Variants in TRIM22 observed in about 807,000 individuals in gnomAD.
TRIM22 encodes E3 ubiquitin-protein ligase TRIM22.
A neutral mutation model predicts 53.6 loss-of-function variants in TRIM22; 45 were observed. That is an observed-to-expected ratio of 0.84 (90% CI 0.66 to 1.08). The LOEUF is 1.08. TRIM22 is among the 50% of genes least tolerant of loss of function. TRIM22 has a pLI of 0.00. For missense variants in TRIM22, 616 were observed against 590.9 expected, an observed-to-expected ratio of 1.04 and a Z score of -0.44; for synonymous variants, 225 against 216.6, an observed-to-expected ratio of 1.04 and a Z score of -0.34.
At chr11:5,704,595 G>T (rs1331972761) in intron 4 of TRIM22, among the ~76,000 whole-genome samples, 1 of 152,098 alleles carries the variant, frequency 6.6e-6, no homozygotes, top group African/African-American at 2.4e-5. Context: ...TCTCTTCATA[G>T]TGTTCTTCAT....
intron 5 of TRIM22, among the ~76,000 whole-genome samples, chr11:5,707,812 A>AAAACAAAC (rs35942918): frequency 0.082 from 12,521 of 151,786 alleles, 521 homozygotes; most frequent in African/African-American, 0.1. Context: ...ACCCCATCTC[A>AAAACAAAC]AAACAAACAA....
chr11:5,703,510 C>T (rs1356171614), intron 4 of TRIM22, among the ~76,000 whole-genome samples: 5 of 151,866 alleles, frequency 3.3e-5, no homozygotes, highest in African/African-American at 1.2e-4. Flanking sequence ...TGCATCCTCC[C>T]GAGTAGCTGG....
chr11:5,706,425 C>A, intron 4 of TRIM22, 169 bp from the exon 5 acceptor site: 2 of 456,890 alleles, frequency 4.4e-6, no homozygotes, highest in African/African-American at 4.1e-5. Flanking sequence ...AGTTTAATTT[C>A]AGATAAAAGA....
chr11:5,700,029 A>G (rs1472188803), intron 4 of TRIM22, among the ~76,000 whole-genome samples: 1 of 149,868 alleles, frequency 6.7e-6, no homozygotes, highest in Admixed American at 6.6e-5. Context: ...TTTTTTTTTT[A>G]ATGTCAATTC....
intron 5 of TRIM22, 70 bp from the exon 6 acceptor site, chr11:5,708,103 A>C: frequency 4.0e-6 from 5 of 1,260,790 alleles, no homozygotes; most frequent in Non-Finnish European, 5.8e-6. Flanking sequence ...GAAAGGTGAA[A>C]GAGACAGTGA....
intron 5 of TRIM22, among the ~76,000 whole-genome samples, chr11:5,707,235 A>T (rs1564943818): frequency 6.6e-6 from 1 of 152,182 alleles, no homozygotes; most frequent in Non-Finnish European, 1.5e-5. Context: ...ACTATTAATT[A>T]ATTTAGTCAT....
At chr11:5,699,624 G>T (rs1326868295) in intron 4 of TRIM22, among the ~76,000 whole-genome samples, 2 of 139,354 alleles carry the variant, frequency 1.4e-5, no homozygotes, top group South Asian at 4.8e-4. Flanking sequence ...ATTTTCCAAA[G>T]TTGTTACTCA....
rs1177462411 is a variant in TRIM22 at position 5,697,298 on chromosome 11, T to C, written c.474T>C (p.Ala158=). 1.2e-6 allele frequency: 2 copies of C among 1,613,742 alleles called. No homozygotes were observed. Among genetic ancestry groups the C allele is most frequent in the Middle Eastern group, 1.7e-4 (1 of 6,056 alleles). ...LQRLIKEDQE[A]EKLEDDIRQE... is the part of the protein sequence containing the mutation. ...GGCTGATAAAGGAGGATCAAGAGGC[T>C]GAGAAGCTGGAAGATGACATCAGAC... The change falls in exon 3 of 8, where the codon GCT becomes GCC. Residue 158 remains alanine (A), a synonymous_variant. Transcript: ENST00000379965.
intron 1 of TRIM22, among the ~76,000 whole-genome samples, chr11:5,695,363 A>G (rs1417038644): frequency 6.6e-6 from 1 of 152,214 alleles, no homozygotes; most frequent in Non-Finnish European, 1.5e-5. Context: ...TTGAGGAGCC[A>G]TAGATTTGAT....
At chr11:5,703,112 G>T (rs10742775) in intron 4 of TRIM22, among the ~76,000 whole-genome samples, 108,952 of 152,092 alleles carry the variant, frequency 0.72, 39,478 homozygotes, top group African/African-American at 0.79. Flanking sequence ...GGGAATATTG[G>T]GTGATGCTGA....
At chr11:5,692,461 T>G (rs1415963508) in intron 1 of TRIM22, among the ~76,000 whole-genome samples, 1 of 152,174 alleles carries the variant, frequency 6.6e-6, no homozygotes, top group Non-Finnish European at 1.5e-5. Context: ...TTAGAACTCT[T>G]GGAAAAAGGG....
intron 4 of TRIM22, among the ~76,000 whole-genome samples, chr11:5,706,378 T>A (rs1372502701): frequency 6.6e-6 from 1 of 152,206 alleles, no homozygotes; most frequent in African/African-American, 2.4e-5. Flanking sequence ...ATTACTTTTT[T>A]GAGCATTGCT....
chr11:5,709,493 G>T lies in TRIM22; in HGVS notation c.1342G>T (p.Asp448Tyr). The T allele has an allele frequency of 6.2e-7, 1 of 1,614,054 alleles. No individual in the cohort carries two copies. Among genetic ancestry groups the T allele is most frequent in the Non-Finnish European group, 8.5e-7 (1 of 1,180,024 alleles). The stretch of plus-strand genomic sequence containing the variant: ...TCCCTGTCGTATTGGGGTTTTCCTA[G>T]ACTATGAGGCAGGCATTGTCTCATT... The part of the protein sequence containing the change: ...VPPCRIGVFL[D>Y]YEAGIVSFFN... Residue 448 changes from aspartate (D) to tyrosine (Y), a missense_variant, in exon 8 of 8, where the codon GAC becomes TAC. Transcript: ENST00000379965.
intron 4 of TRIM22, among the ~76,000 whole-genome samples, chr11:5,699,925 T>A (rs1392353234): frequency 6.6e-6 from 1 of 152,014 alleles, no homozygotes; most frequent in Non-Finnish European, 1.5e-5. Context: ...AAATTTCAAT[T>A]CTTCATTGCT....
intron 4 of TRIM22, among the ~76,000 whole-genome samples, chr11:5,700,257 G>A (rs963507529): frequency 2.0e-5 from 3 of 151,860 alleles, no homozygotes; most frequent in Non-Finnish European, 4.4e-5. Context: ...CAGGACTAGC[G>A]CACACCGCCA....
chr11:5,691,171 A>T (rs1351115251), intron 1 of TRIM22: 1 of 152,214 alleles, frequency 6.6e-6, no homozygotes, highest in Non-Finnish European at 1.5e-5. Context: ...CTCCTCAGAC[A>T]CCGAGGTAAA....
intron 4 of TRIM22, among the ~76,000 whole-genome samples, chr11:5,701,683 GT>G (rs1209847251): frequency 1.3e-5 from 2 of 152,132 alleles, no homozygotes; most frequent in Non-Finnish European, 2.9e-5. Context: ...CAAAAAAATT[GT>G]CTCATAGTTC....
At chr11:5,702,949 C>A (rs1590318125) in intron 4 of TRIM22, among the ~76,000 whole-genome samples, 2 of 152,234 alleles carry the variant, frequency 1.3e-5, no homozygotes, top group African/African-American at 4.8e-5. Context: ...ACATGCTGAA[C>A]TTTTACTAGT....
Position 5,698,311 on chromosome 11 carries a change from C to A in TRIM22, c.520-4C>A. 1 of 1,612,930 alleles carries A rather than the reference C, an allele frequency of 6.2e-7. No individual in the cohort carries two copies. The highest frequency in any genetic ancestry group is 1.1e-5 in the South Asian group (1 of 90,996). ...GACTGCCTCTTTCTCTTTTCATTCC[C>A]AAGAATTATATCCAGATCGAGAGAC... On this transcript the variant is annotated splice_polypyrimidine_tract_variant and splice_region_variant and intron_variant, in intron 3 of 7. Transcript: ENST00000379965.
Sources: gnomAD v4.1 joint callset for allele counts (sites outside exome capture counted in the v4.1 genomes callset) on GRCh38, gnomAD v4.1.1 for gene constraint, MANE v1.5 for transcripts, NCBI Gene and HGNC (gene_info 2026-07-23, HGNC 2026-07-21) for gene names.